HTT: variants seen among roughly 807,000 people sequenced by gnomAD.
HTT encodes the protein huntington disease protein.
In HTT, 104 loss-of-function variants were observed where a neutral mutation model predicts 362.3. That is an observed-to-expected ratio of 0.29 (90% CI 0.24 to 0.34). The LOEUF (loss-of-function observed/expected upper bound fraction) is 0.34, where lower values mean the gene tolerates loss of function less well. Ranked by LOEUF, HTT falls within the 10% of genes least tolerant of loss-of-function variation. The pLI, the probability that HTT is intolerant of heterozygous loss-of-function variation, is 1.00. For missense variants in HTT, 3,301 were observed against 3,928.6 expected (o/e 0.84, Z 4.27); for synonymous variants, 1,577 against 1,548.7 (o/e 1.02, Z -0.43).
rs777599669 is a variant in HTT at position 3,207,369 on chromosome 4, AAC to A, written c.6152+16_6152+17del. On this transcript the variant is annotated intron_variant, in intron 45 of 66. Transcript: ENST00000355072. ...GGGCTCGCTCAGAGGTAATGCTGGAAACACAGGTCGTCCTTGTGTTAGGACAA... is the reference window on the plus strand; with the variant it reads ...GGGCTCGCTCAGAGGTAATGCTGGAAACAGGTCGTCCTTGTGTTAGGACAA... 1.2e-6 allele frequency: 2 copies of A among 1,604,684 alleles called. No individual in the cohort carries two copies. The highest frequency in any genetic ancestry group is 2.2e-5 in the South Asian group (2 of 89,914).
At chr4:3,207,230 AT>A in intron 44 of HTT, 50 bp from the exon 45 acceptor site, 2 of 1,488,676 alleles carry the variant, frequency 1.3e-6, no homozygotes, top group South Asian at 2.3e-5. Context: ...GCATGAGGTT[AT>A]TTTGGGTTGT....
intron 33 of HTT, among the ~76,000 whole-genome samples, chr4:3,176,091 G>A (rs997246819): frequency 2.0e-5 from 3 of 151,088 alleles, no homozygotes; most frequent in East Asian, 3.9e-4. Context: ...GCAGGGGTGC[G>A]ATCTCGGCTC....
rs923871149 is a variant in HTT, at chr4:3,162,053, T to G, written c.3864+1661T>G. Among the ~76,000 whole-genome samples, 11 of 152,374 alleles carry G rather than the reference T, an allele frequency of 7.2e-5. No individual in the cohort carries two copies. The South Asian group carries it at 2.3e-3, about 32-fold the overall frequency. On this transcript the variant is annotated intron_variant, in intron 29 of 66. Coordinates refer to ENST00000355072, the MANE Select transcript of HTT (RefSeq NM_001388492.1). ...TTTTCTTCTAGGATTTTTATGGTCC[T>G]AGGTCTTATGTTTAAGTCTTTGATC...
At chr4:3,151,701 A>G (rs1390095620) in intron 26 of HTT, among the ~76,000 whole-genome samples, 1 of 152,174 alleles carries the variant, frequency 6.6e-6, no homozygotes, top group African/African-American at 2.4e-5. Context: ...TCCCGAAACC[A>G]TCCCCCGCCA....
chr4:3,089,380 A>G (rs550176284), intron 2 of HTT, among the ~76,000 whole-genome samples: 1 of 152,204 alleles, frequency 6.6e-6, no homozygotes, highest in African/African-American at 2.4e-5. Context: ...CAGCCTCCCA[A>G]GTAGCTGGGA....
At chr4:3,124,208 G>A (rs1715419709) in intron 10 of HTT, among the ~76,000 whole-genome samples, 2 of 152,166 alleles carry the variant, frequency 1.3e-5, no homozygotes, top group South Asian at 4.1e-4. Context: ...AGAGATTTTG[G>A]GACGTGTGAC....
chr4:3,226,841 G>A (rs896692434), intron 57 of HTT, among the ~76,000 whole-genome samples: 15 of 152,194 alleles, frequency 9.9e-5, no homozygotes, highest in African/African-American at 2.2e-4. Context: ...TGTGCCTGCC[G>A]GTTTCAGTGA....
intron 22 of HTT, among the ~76,000 whole-genome samples, chr4:3,141,784 C>CA (rs965018688): frequency 1.3e-5 from 2 of 151,838 alleles, no homozygotes; most frequent in Admixed American, 1.3e-4. Context: ...CACACACAAA[C>CA]AAAAAAAACA....
intron 46 of HTT, 37 bp downstream of exon 46, chr4:3,208,948 C>T (rs968187173): frequency 2.5e-6 from 4 of 1,581,736 alleles, no homozygotes; most frequent in Non-Finnish European, 3.4e-6. Context: ...AGGCACAGGG[C>T]GCTGAGTGCC....
At position 3,161,124 on chromosome 4, in the gene HTT, A is replaced by C. The variant is rs112639378; in HGVS notation, c.3864+732A>C. On this transcript the variant is annotated intron_variant, in intron 29 of 66. Coordinates refer to ENST00000355072, the MANE Select transcript of HTT (RefSeq NM_001388492.1). Reference sequence around the variant, plus strand: ...GTGTGATGTTCTCCTCCCTGTGCCCATGTGTTCTCATTGTTCAATTTCCAC... The same window carrying C: ...GTGTGATGTTCTCCTCCCTGTGCCCCTGTGTTCTCATTGTTCAATTTCCAC... Among the ~76,000 whole-genome samples, 7 of 152,204 alleles carry C rather than the reference A, an allele frequency of 4.6e-5. 1 individual carries two copies. The highest frequency in any genetic ancestry group is 1.7e-4 in the African/African-American group (7 of 41,546).
chr4:3,194,529 C>T (rs978352478), intron 40 of HTT, among the ~76,000 whole-genome samples: 3 of 152,216 alleles, frequency 2.0e-5, no homozygotes, highest in African/African-American at 7.2e-5. Flanking sequence ...AGCCTCAACA[C>T]GGCCTTCCAG....
rs1215301861 is a variant in HTT at position 3,134,520 on chromosome 4, C to G, written c.2613C>G (p.Thr871=). The G allele has an allele frequency of 6.8e-6, 11 of 1,613,046 alleles. No homozygotes were observed. Among genetic ancestry groups the G allele is most frequent in the Non-Finnish European group, 9.3e-6 (11 of 1,179,678 alleles). ...TGGTGAGGACAGAGCTTCTGGAAAC[C>G]CTTGCAGAGATTGACTTCAGGTAAG... The part of the protein sequence containing the change: ...YWLVRTELLE[T]LAEIDFRLVS... The change falls in exon 19 of 67, where the codon ACC becomes ACG. Residue 871 remains threonine, a synonymous_variant. Transcript: ENST00000355072.
rs368828515 is a variant in HTT, at chr4:3,236,224, C to T, written c.8861C>T (p.Ala2954Val). Residue 2954 changes from alanine (A) to valine (V), a missense_variant, in exon 64 of 67, where the codon GCT (alanine) becomes GTT (valine). By Grantham distance (64) the Ala-to-Val change is moderately conservative. Transcript: ENST00000355072. The part of the protein sequence containing the change: ...AAPDSESVIV[A>V]MERVSVLFDR... ...CCCGACAGCGAGTCAGTGATTGTTG[C>T]TATGGAGCGGGTATCTGTTCTTTTT... 1 of 1,613,676 alleles carries T rather than the reference C, an allele frequency of 6.2e-7. No homozygotes were observed. The highest frequency in any genetic ancestry group is 1.3e-5 in the African/African-American group (1 of 74,942).
At chr4:3,189,985 C>T (rs1278790684) in intron 40 of HTT, among the ~76,000 whole-genome samples, 1 of 152,092 alleles carries the variant, frequency 6.6e-6, no homozygotes, top group Non-Finnish European at 1.5e-5. Context: ...CACTGCACTC[C>T]AGCCTCGGCT....
intron 51 of HTT, among the ~76,000 whole-genome samples, chr4:3,216,373 C>T (rs756382469): frequency 4.6e-5 from 7 of 152,224 alleles, no homozygotes; most frequent in Non-Finnish European, 8.8e-5. Context: ...TCTGCATCTT[C>T]CAGCCGAGTG....
At position 3,131,438 on chromosome 4, in the gene HTT, TA is replaced by T. The variant is rs1242728319; in HGVS notation, c.2098+42del. On this transcript the variant is annotated intron_variant, in intron 15 of 66. Coordinates refer to ENST00000355072, the MANE Select transcript of HTT (RefSeq NM_001388492.1). ...GATGTGCACAGTTGAAGGAAATAACTAGGTTTCAGAGGTCAGCTTGGTGGCC... is the reference window on the plus strand; with the variant it reads ...GATGTGCACAGTTGAAGGAAATAACTGGTTTCAGAGGTCAGCTTGGTGGCC... 4 of 1,535,428 alleles carry T rather than the reference TA, an allele frequency of 2.6e-6. No individual in the cohort carries two copies. The African/African-American group carries it at 5.5e-5, about 21-fold the overall frequency.
intron 26 of HTT, among the ~76,000 whole-genome samples, chr4:3,152,703 CT>C (rs1560571188): frequency 6.1e-5 from 9 of 147,318 alleles, no homozygotes; most frequent in Non-Finnish European, 7.5e-5. Context: ...CTCTGTTTTT[CT>C]TTTTTTTTTA....
chr4:3,167,022 G>A (rs889675156), intron 29 of HTT, among the ~76,000 whole-genome samples: 2 of 152,210 alleles, frequency 1.3e-5, no homozygotes, highest in South Asian at 2.1e-4. Flanking sequence ...CTTCTGTGTC[G>A]ATCTCACTGG....
rs141888520 is a variant in HTT, at chr4:3,207,533, T to G, written c.6152+176T>G. ...TTTAAAACAACCAGATCTCACTTTC[T>G]AAAGAGTAAAGGATGACCGGCAGGA... On this transcript the variant is annotated intron_variant, in intron 45 of 66. Transcript: ENST00000355072. Among the ~76,000 whole-genome samples the G allele has an allele frequency of 1.2e-3, 177 of 152,326 alleles. 2 individuals are homozygous for G. The highest frequency in any genetic ancestry group is 3.9e-3 in the African/African-American group (162 of 41,586).
Sources: allele counts gnomAD v4.1 joint callset (sites outside exome capture counted in the v4.1 genomes callset), GRCh38; gene constraint gnomAD v4.1.1; transcripts MANE v1.5; gene names NCBI Gene and HGNC (gene_info 2026-07-23, HGNC 2026-07-21).